Variants in PDE7A observed in about 807,000 individuals in gnomAD.
PDE7A encodes the protein high affinity 3',5'-cyclic-AMP phosphodiesterase 7A.
A neutral mutation model predicts 64.3 loss-of-function variants in PDE7A; 39 were observed. The observed-to-expected ratio is 0.61, with a 90% confidence interval of 0.47 to 0.79. PDE7A has a LOEUF of 0.79. PDE7A is among the 30% of genes least tolerant of loss of function. The pLI is 0.00. For synonymous variants in PDE7A, 203 were observed against 206.8 expected, an observed-to-expected ratio of 0.98 and a Z score of 0.16; for missense variants, 470 against 582.8, an observed-to-expected ratio of 0.81 and a Z score of 1.99.
At chr8:65,808,138 A>G (rs1810154945) in intron 1 of PDE7A, among the ~76,000 whole-genome samples, 1 of 152,224 alleles carries the variant, frequency 6.6e-6, no homozygotes, top group Non-Finnish European at 1.5e-5. Flanking sequence ...CTATTGAAGT[A>G]TAGAGAAGAC....
At chr8:65,750,363 C>G (rs1324918099) in intron 3 of PDE7A, among the ~76,000 whole-genome samples, 3 of 152,116 alleles carry the variant, frequency 2.0e-5, no homozygotes, top group Non-Finnish European at 4.4e-5. Context: ...AGCATTCCCT[C>G]TGATTTACCT....
Position 65,840,423 on chromosome 8 carries a change from C to CACACACACAT in PDE7A, c.138+947_138+948insATGTGTGTGT, listed in dbSNP as rs1554572978. 3.7e-3 allele frequency among the ~76,000 whole-genome samples: 556 copies of CACACACACAT among 151,352 alleles called. 3 individuals carry two copies. Among genetic ancestry groups the CACACACACAT allele is most frequent in the African/African-American group, 0.012 (498 of 40,984 alleles). On this transcript the variant is annotated intron_variant, in intron 1 of 12. Coordinates refer to ENST00000401827, the MANE Select transcript of PDE7A (RefSeq NM_001242318.3). Reference sequence around the variant, plus strand: ...GCACACACACACACACACACACACACACACACACCTTGCTCAAGATACAAT... The same window carrying CACACACACAT: ...GCACACACACACACACACACACACACACACACACATACACACACCTTGCTCAAGATACAAT...
intron 5 of PDE7A, 25 bp from the exon 6 acceptor site, chr8:65,739,622 A>T: frequency 6.8e-7 from 1 of 1,481,034 alleles, no homozygotes. Context: ...GAGACATTAC[A>T]TTAGTAGGAA....
At chr8:65,796,610 A>G (rs542053993) in intron 1 of PDE7A, among the ~76,000 whole-genome samples, 10 of 152,318 alleles carry the variant, frequency 6.6e-5, no homozygotes, top group African/African-American at 2.2e-4. Flanking sequence ...AATCAGTTCA[A>G]TTGGTAAGAA....
intron 1 of PDE7A, among the ~76,000 whole-genome samples, chr8:65,839,038 A>T (rs999078935): frequency 6.6e-6 from 1 of 152,162 alleles, no homozygotes; most frequent in Non-Finnish European, 1.5e-5. Context: ...TCATATTTAA[A>T]ACTGATGCTC....
intron 1 of PDE7A, among the ~76,000 whole-genome samples, chr8:65,810,175 G>T (rs941300253): frequency 5.9e-5 from 9 of 152,162 alleles, no homozygotes; most frequent in Non-Finnish European, 1.3e-4. Context: ...CCACAAAAAA[G>T]GATGAGTTCC....
At chr8:65,828,711 A>G (rs1178074365) in intron 1 of PDE7A, among the ~76,000 whole-genome samples, 1 of 152,130 alleles carries the variant, frequency 6.6e-6, no homozygotes, top group African/African-American at 2.4e-5. Flanking sequence ...AACTCCACAT[A>G]TAAGATTACT....
chr8:65,764,422 C>T (rs965042564), intron 3 of PDE7A, among the ~76,000 whole-genome samples: 1 of 152,180 alleles, frequency 6.6e-6, no homozygotes, highest in African/African-American at 2.4e-5. Flanking sequence ...TAGCTGCTTT[C>T]GCAGACCAAA....
chr8:65,814,353 T>C (rs946793497), intron 1 of PDE7A, among the ~76,000 whole-genome samples: 19 of 149,894 alleles, frequency 1.3e-4, no homozygotes, highest in African/African-American at 4.7e-4. Flanking sequence ...CTACTAAAAA[T>C]ACAAAAAATT....
At chr8:65,740,353 A>T (rs1807359734) in intron 5 of PDE7A, among the ~76,000 whole-genome samples, 1 of 152,054 alleles carries the variant, frequency 6.6e-6, no homozygotes, top group African/African-American at 2.4e-5. Context: ...CCACCCCCTC[A>T]TTCTCCACAG....
At position 65,829,815 on chromosome 8, in the gene PDE7A, G is replaced by A. The variant is rs1810766613; in HGVS notation, c.138+11556C>T. On this transcript the variant is annotated intron_variant, in intron 1 of 12. Transcript: ENST00000401827. ...AAAACCTAGAAAAAAAATGACAGAT[G>A]AATAAGGTATTATTTCTGTATAGCT... 2.0e-5 allele frequency among the ~76,000 whole-genome samples: 3 copies of A among 152,034 alleles called. No homozygotes were observed. In the South Asian group the frequency reaches 6.2e-4, roughly 32 times the overall value.
chr8:65,768,575 T>C (rs147577462), intron 3 of PDE7A, among the ~76,000 whole-genome samples: 1 of 152,316 alleles, frequency 6.6e-6, no homozygotes, highest in Non-Finnish European at 1.5e-5. Flanking sequence ...TTTTGTAGAT[T>C]GCCCAATCTT....
chr8:65,774,763 T>G (rs764923468), intron 3 of PDE7A, among the ~76,000 whole-genome samples: 1 of 152,000 alleles, frequency 6.6e-6, no homozygotes, highest in Non-Finnish European at 1.5e-5. Context: ...TAAATAACAT[T>G]TTTATTAAAA....
chr8:65,735,774 T>G (rs1172567051), intron 6 of PDE7A, among the ~76,000 whole-genome samples: 2 of 152,106 alleles, frequency 1.3e-5, no homozygotes, highest in African/African-American at 4.8e-5. Flanking sequence ...TACAGGCACC[T>G]GCCATCATGC....
chr8:65,731,622 T>A (rs1216333338), intron 7 of PDE7A: 1 of 152,122 alleles, frequency 6.6e-6, no homozygotes, highest in East Asian at 1.9e-4. Flanking sequence ...ATAATCCACA[T>A]GAGTTCAGCC....
intron 7 of PDE7A, among the ~76,000 whole-genome samples, chr8:65,733,404 C>G (rs994590020): frequency 2.0e-5 from 3 of 152,166 alleles, no homozygotes; most frequent in Non-Finnish European, 4.4e-5. Context: ...ATCAATCTCT[C>G]CCACAACATT....
At chr8:65,787,781 G>A (rs1249216041) in intron 1 of PDE7A, among the ~76,000 whole-genome samples, 3 of 109,092 alleles carry the variant, frequency 2.7e-5, no homozygotes, top group East Asian at 2.3e-4. Context: ...CATCTCTACA[G>A]GGGGGGGAAA....
At position 65,841,413 on chromosome 8, in the gene PDE7A, G is replaced by A. The variant is rs1461511594; in HGVS notation, c.96C>T (p.Ser32=). The A allele has an allele frequency of 5.8e-6, 9 of 1,565,074 alleles. No homozygotes were observed. The South Asian group carries it at 5.8e-5, about 10-fold the overall frequency. The part of the protein sequence containing the change: ...SRRGAISFSS[S]SALFGCPNPR... ...GATTGGGGCAGCCGAAGAGAGCGGA[G>A]CTGGAGCTGAAGCTGATGGCTCCTC... is the stretch of plus-strand genomic sequence containing the variant. Residue 32 remains serine (S), a synonymous_variant, in exon 1 of 13, where the codon AGC becomes AGT. Coordinates refer to ENST00000401827, the MANE Select transcript of PDE7A (RefSeq NM_001242318.3).
chr8:65,770,318 C>A (rs1162491804), intron 3 of PDE7A, among the ~76,000 whole-genome samples: 1 of 152,196 alleles, frequency 6.6e-6, no homozygotes, highest in Non-Finnish European at 1.5e-5. Context: ...CTCACAGTTC[C>A]ATGTGGCTGG....
Sources: allele counts gnomAD v4.1 joint callset (sites outside exome capture counted in the v4.1 genomes callset), GRCh38; gene constraint gnomAD v4.1.1; transcripts MANE v1.5; gene names NCBI Gene and HGNC (gene_info 2026-07-23, HGNC 2026-07-21).